B3GALT2: variants seen among roughly 807,000 people sequenced by gnomAD.
The protein encoded by B3GALT2 is UDP-Gal:betaGlcNAc beta 1,3-galactosyltransferase, polypeptide 2.
A neutral mutation model predicts 33.5 loss-of-function variants in B3GALT2; 13 were observed. The observed-to-expected ratio is 0.39, with a 90% confidence interval of 0.25 to 0.62. B3GALT2 has a LOEUF of 0.62. Ranked by LOEUF, B3GALT2 falls within the 20% of genes least tolerant of loss-of-function variation. The probability of loss-of-function intolerance (pLI) is 0.53; values close to 1 mark genes in which losing one functional copy is unlikely to be tolerated. For synonymous variants in B3GALT2, 195 were observed against 172.7 expected (o/e 1.13, Z -1.01); for missense variants, 418 against 509.1 (o/e 0.82, Z 1.72).
chr1:193,181,254 G>T lies in B3GALT2; in HGVS notation c.309C>A (p.Asp103Glu), dbSNP rs770667754. The change falls in exon 2 of 2, where the codon GAC becomes GAA. Residue 103 changes from aspartate (D) to glutamate (E), a missense_variant. Around this residue, in one of 3 missense-constraint regions of B3GALT2, gnomAD observed 188 missense variants for 197.5 expected, o/e 0.95. Coordinates refer to ENST00000367434, the MANE Select transcript of B3GALT2 (RefSeq NM_003783.3). ...PQTATNSNNT[D>E]LSPQGVTGLE... is the part of the protein sequence containing the mutation. ...GGCCTGTAACTCCTTGTGGTGACAG[G>T]TCTGTGTTATTAGAGTTAGTTGCTG... 3.1e-6 allele frequency: 5 copies of T among 1,613,954 alleles called. No individual in the cohort carries two copies. The highest frequency in any genetic ancestry group is 2.2e-5 in the East Asian group (1 of 44,898).
In B3GALT2 at chr1:193,180,456, G is replaced by C; in HGVS notation, c.1107C>G (p.Val369=). Residue 369 remains valine (V), a synonymous_variant, in exon 2 of 2, where the codon GTC becomes GTG. Coordinates refer to ENST00000367434, the MANE Select transcript of B3GALT2 (RefSeq NM_003783.3). The stretch of plus-strand genomic sequence containing the variant: ...GGCTGTATTTACAGCTCGAATAAGA[G>C]ACTCGCCAGTGATTGAACACAAACT... ...PNEFVFNHWR[V]SYSSCKYSHL... 1 of 1,614,044 alleles carries C rather than the reference G, an allele frequency of 6.2e-7. No individual in the cohort carries two copies. Among genetic ancestry groups the C allele is most frequent in the Non-Finnish European group, 8.5e-7 (1 of 1,179,922 alleles).
chr1:193,182,419 CTT>C (rs1262009459), intron 1 of B3GALT2, among the ~76,000 whole-genome samples: 3 of 152,142 alleles, frequency 2.0e-5, no homozygotes, highest in African/African-American at 2.4e-5. Flanking sequence ...ATGTAAGTGT[CTT>C]TGATTATCTA....
chr1:193,180,488 G>GA lies in B3GALT2; in HGVS notation c.1074dup (p.Pro359SerfsTer3). 6.2e-7 allele frequency: 1 copy of GA among 1,614,038 alleles called. No homozygotes were observed. The highest frequency in any genetic ancestry group is 8.5e-7 in the Non-Finnish European group (1 of 1,179,938). ...CAGTGATTGAACACAAACTCATTGG[G>GA]AGGGGGTACAGGATCAATTCTCAAC... On this transcript the variant is annotated frameshift_variant, in exon 2 of 2. Transcript: ENST00000367434. LOFTEE classifies it high-confidence loss of function.
Position 193,180,042 on chromosome 1 carries a change from T to TG in B3GALT2, c.*251dup, listed in dbSNP as rs1295267155. On this transcript the variant is annotated 3_prime_UTR_variant, in exon 2 of 2. Transcript: ENST00000367434. ...AAGACTTGAACCATTGATTTATGCA[T>TG]GCTTGTTATTGCATGTTAATACACA... 1 of 294,408 alleles carries TG rather than the reference T, an allele frequency of 3.4e-6. No homozygotes were observed. Among genetic ancestry groups the TG allele is most frequent in the African/African-American group, 2.2e-5 (1 of 46,152 alleles). The allele number at this position is 294,408 out of a possible 1,614,324, so 18.2% of individuals were successfully genotyped here. A position where few individuals can be genotyped will look rare whatever the true frequency, so the allele number is the denominator to read the frequency against.
At position 193,180,867 on chromosome 1, in the gene B3GALT2, T is replaced by C; in HGVS notation, c.696A>G (p.Leu232=). ...ATGTTGCAACCCAGTTCATGCCCAT[T>C]AGTGTTTTAATGGTCAAATTATAGT... The part of the protein sequence containing the change: ...DTYYNLTIKT[L]MGMNWVATYC... Residue 232 remains leucine (L), a synonymous_variant, in exon 2 of 2, where the codon CTA becomes CTG. Coordinates refer to ENST00000367434, the MANE Select transcript of B3GALT2 (RefSeq NM_003783.3). 1 of 1,613,954 alleles carries C rather than the reference T, an allele frequency of 6.2e-7. No individual in the cohort carries two copies. The highest frequency in any genetic ancestry group is 8.5e-7 in the Non-Finnish European group (1 of 1,179,904).
rs1221993723 is a variant in B3GALT2 at position 193,181,705 on chromosome 1, T to G, written c.-120-23A>C. On this transcript the variant is annotated intron_variant, in intron 1 of 1. Transcript: ENST00000367434. ...ATTCTATAAAAATGAAGCACAAAAG[T>G]TTACAGAACTGCCTGAAAGGGACTT... 5.3e-6 allele frequency: 4 copies of G among 761,514 alleles called. No individual in the cohort carries two copies. The African/African-American group carries it at 7.1e-5, about 14-fold the overall frequency. 47.2% of individuals were successfully genotyped at this position (761,514 alleles called of 1,614,324 possible). A position where few individuals can be genotyped will look rare whatever the true frequency, so the allele number is the denominator to read the frequency against.
chr1:193,183,196 A>G (rs1572182133), intron 1 of B3GALT2, among the ~76,000 whole-genome samples: 2 of 151,730 alleles, frequency 1.3e-5, no homozygotes, highest in Non-Finnish European at 2.9e-5. Context: ...ATGTAAATGA[A>G]TGAAAGTGCT....
intron 1 of B3GALT2, among the ~76,000 whole-genome samples, chr1:193,182,091 A>G (rs1440667084): frequency 6.6e-6 from 1 of 152,160 alleles, no homozygotes; most frequent in Non-Finnish European, 1.5e-5. Flanking sequence ...TATTGGTGGT[A>G]TGGTGCACAG....
rs759306050 is a variant in B3GALT2 at position 193,181,344 on chromosome 1, C to G, written c.219G>C (p.Glu73Asp). Residue 73 changes from glutamate to aspartate, a missense_variant, in exon 2 of 2, where the codon GAG becomes GAC. This residue lies in a region of B3GALT2 where 188 missense variants were observed against 197.5 expected (regional missense o/e 0.95). Coordinates refer to ENST00000367434, the MANE Select transcript of B3GALT2 (RefSeq NM_003783.3). ...TFRGFRSTKSETNHSSLRNIW... is the reference protein window; with the variant it reads ...TFRGFRSTKSDTNHSSLRNIW... ...TGTTCCGAAGGGAGCTGTGGTTTGT[C>G]TCACTTTTTGTTGACCGAAATCCTC... The G allele has an allele frequency of 1.2e-4, 189 of 1,613,912 alleles. 1 individual carries two copies. The East Asian group carries it at 4.2e-3, about 36-fold the overall frequency.
chr1:193,180,559 C>T lies in B3GALT2; in HGVS notation c.1004G>A (p.Arg335His), dbSNP rs769360180. ...EKIFKVSLGI[R>H]RLHLEDVYVG... ...ATATACATCTTCCAAGTGCAAACGG[C>T]GGATACCTAAAGAAACTTTAAAAAT... The change falls in exon 2 of 2, where the codon CGC (arginine) becomes CAC (histidine). Residue 335 changes from arginine to histidine, a missense_variant. Arg to His is a conservative substitution (Grantham distance 29). Coordinates refer to ENST00000367434, the MANE Select transcript of B3GALT2 (RefSeq NM_003783.3). 1.9e-6 allele frequency: 3 copies of T among 1,614,062 alleles called. No individual in the cohort carries two copies. The highest frequency in any genetic ancestry group is 1.1e-5 in the South Asian group (1 of 91,080).
At chr1:193,183,502 A>G (rs2103161306) in intron 1 of B3GALT2, among the ~76,000 whole-genome samples, 2 of 150,882 alleles carry the variant, frequency 1.3e-5, no homozygotes, top group Middle Eastern at 6.8e-3. Context: ...CACTGTACCA[A>G]CAAAACATAG....
intron 1 of B3GALT2, among the ~76,000 whole-genome samples, chr1:193,185,125 A>T (rs1012583909): frequency 1.3e-5 from 2 of 151,980 alleles, no homozygotes; most frequent in African/African-American, 4.8e-5. Context: ...TTTATATTTA[A>T]TTTTTTGACC....
In B3GALT2 at chr1:193,181,201, C is replaced by T; in HGVS notation, c.362G>A (p.Ser121Asn). The change falls in exon 2 of 2, where the codon AGT becomes AAT. Residue 121 changes from serine (S) to asparagine (N), a missense_variant. Ser to Asn is a conservative substitution (Grantham distance 46). This residue lies in a region of B3GALT2 where 188 missense variants were observed against 197.5 expected (regional missense o/e 0.95). Transcript: ENST00000367434. ...TCCAGTACCTTTTTCATTGTAAATACTTCCATTGGCACTAAGTGTATTCTC... is the reference window on the plus strand; with the variant it reads ...TCCAGTACCTTTTTCATTGTAAATATTTCCATTGGCACTAAGTGTATTCTC... ...GLENTLSANGSIYNEKGTGHP... is the reference protein window; with the variant it reads ...GLENTLSANGNIYNEKGTGHP... 2 of 1,613,798 alleles carry T rather than the reference C, an allele frequency of 1.2e-6. No individual in the cohort carries two copies. Among genetic ancestry groups the T allele is most frequent in the Non-Finnish European group, 1.7e-6 (2 of 1,179,894 alleles).
chr1:193,180,404 G>A lies in B3GALT2; in HGVS notation c.1159C>T (p.Pro387Ser). The stretch of plus-strand genomic sequence containing the variant: ...TTCCAGTATTTTATCAGTTCACTAG[G>A]CTGGAACTGATGAGAGGTAATTAGG... ...SHLITSHQFQPSELIKYWNHL... is the reference protein window; with the variant it reads ...SHLITSHQFQSSELIKYWNHL... The change falls in exon 2 of 2, where the codon CCT becomes TCT. Residue 387 changes from proline (P) to serine (S), a missense_variant. Pro to Ser is a moderately conservative substitution (Grantham distance 74). Around this residue, in one of 3 missense-constraint regions of B3GALT2, gnomAD observed 226 missense variants for 293.9 expected, o/e 0.77. Transcript: ENST00000367434. 1 of 1,613,894 alleles carries A rather than the reference G, an allele frequency of 6.2e-7. No individual in the cohort carries two copies. The highest frequency in any genetic ancestry group is 8.5e-7 in the Non-Finnish European group (1 of 1,179,838).
At chr1:193,183,412 A>G (rs1321128948) in intron 1 of B3GALT2, among the ~76,000 whole-genome samples, 1 of 149,058 alleles carries the variant, frequency 6.7e-6, no homozygotes, top group East Asian at 1.9e-4. Context: ...TTTAAAAGCA[A>G]ATCATCTAGT....
chr1:193,180,835 G>C lies in B3GALT2; in HGVS notation c.728C>G (p.Pro243Arg). ...MGMNWVATYC[P>R]HIPYVMKTDS... The stretch of plus-strand genomic sequence containing the variant: ...AGTTTTCATAACATATGGAATATGT[G>C]GACAGTATGTTGCAACCCAGTTCAT... The change falls in exon 2 of 2, where the codon CCA becomes CGA. Residue 243 changes from proline to arginine, a missense_variant. By Grantham distance (103) the Pro-to-Arg change is moderately radical (BLOSUM62 -2). This residue lies in a region of B3GALT2 where 226 missense variants were observed against 293.9 expected (regional missense o/e 0.77). Transcript: ENST00000367434. The C allele has an allele frequency of 6.2e-7, 1 of 1,613,946 alleles. No homozygotes were observed. Among genetic ancestry groups the C allele is most frequent in the African/African-American group, 1.3e-5 (1 of 75,034 alleles).
At position 193,178,831 on chromosome 1, in the gene B3GALT2, ATTCTC is replaced by A. The variant is rs1676657969; in HGVS notation, c.*1458_*1462del. Among the ~76,000 whole-genome samples, 1 of 152,174 alleles carries A rather than the reference ATTCTC, an allele frequency of 6.6e-6. No homozygotes were observed. Among genetic ancestry groups the A allele is most frequent in the African/African-American group, 2.4e-5 (1 of 41,464 alleles). ...GTTTTCAAGTTTCACAAATGTTACA[ATTCTC>A]TTCTGGTGATTTATCCCTTAATAAT... On this transcript the variant is annotated 3_prime_UTR_variant, in exon 2 of 2. Coordinates refer to ENST00000367434, the MANE Select transcript of B3GALT2 (RefSeq NM_003783.3).
chr1:193,179,154 C>T lies in B3GALT2; in HGVS notation c.*1140G>A, dbSNP rs1399899676. The T allele has an allele frequency of 1.3e-5, 2 of 152,012 alleles. No homozygotes were observed. Among genetic ancestry groups the T allele is most frequent in the African/African-American group, 4.8e-5 (2 of 41,388 alleles). 9.4% of individuals were successfully genotyped at this position (152,012 alleles called of 1,614,324 possible). A position where few individuals can be genotyped will look rare whatever the true frequency, so the allele number is the denominator to read the frequency against. Reference sequence around the variant, plus strand: ...ACGTTTGTAGTTTTCCCCATCCCTCCCAAAAAGGTTTTTAATTGGTGATTC... The same window carrying T: ...ACGTTTGTAGTTTTCCCCATCCCTCTCAAAAAGGTTTTTAATTGGTGATTC... On this transcript the variant is annotated 3_prime_UTR_variant, in exon 2 of 2. Coordinates refer to ENST00000367434, the MANE Select transcript of B3GALT2 (RefSeq NM_003783.3).
intron 1 of B3GALT2, among the ~76,000 whole-genome samples, chr1:193,185,256 A>T (rs1330525993): frequency 6.6e-6 from 1 of 152,120 alleles, no homozygotes; most frequent in East Asian, 1.9e-4. Context: ...TCAGTCTTTT[A>T]CATAAAATGT....
Sources: gnomAD v4.1 joint callset for allele counts (sites outside exome capture counted in the v4.1 genomes callset) on GRCh38, gnomAD v4.1.1 for gene constraint, gnomAD v4.1.1 regional missense constraint, MANE v1.5 for transcripts, NCBI Gene and HGNC (gene_info 2026-07-23, HGNC 2026-07-21) for gene names.